The following PPP4R1 variants were observed in gnomAD, a reference collection of about 807,000 sequenced individuals.
The protein encoded by PPP4R1 is serine/threonine-protein phosphatase 4 regulatory subunit 1.
PPP4R1 carries 42 observed loss-of-function variants against 111.2 expected under a neutral mutation model. That is an observed-to-expected ratio of 0.38 (90% CI 0.29 to 0.49). PPP4R1 has a LOEUF of 0.49. Ranked by LOEUF, PPP4R1 falls within the 20% of genes least tolerant of loss-of-function variation. The pLI is 0.97. For synonymous variants in PPP4R1, 409 were observed against 405.5 expected (o/e 1.01, Z -0.10); for missense variants, 1,012 against 1,161.6 (o/e 0.87, Z 1.87).
rs2066926797 is a variant in PPP4R1 at position 9,575,792 on chromosome 18, T to C, written c.1046+1272A>G. 2.6e-5 allele frequency among the ~76,000 whole-genome samples: 4 copies of C among 152,042 alleles called. No homozygotes were observed. In the South Asian group the frequency reaches 8.3e-4, roughly 31 times the overall value. ...ACTGCAAAGGCCGAGTGAGTAGTTG[T>C]GAAACAGAAGAAAGTTTACCAGCTC... is the stretch of plus-strand genomic sequence containing the variant. On this transcript the variant is annotated intron_variant, in intron 10 of 19. Coordinates refer to ENST00000400556, the MANE Select transcript of PPP4R1 (RefSeq NM_001042388.3).
chr18:9,583,274 A>G lies in PPP4R1; in HGVS notation c.761T>C (p.Leu254Pro). The G allele has an allele frequency of 6.4e-7, 1 of 1,555,354 alleles. No homozygotes were observed. The highest frequency in any genetic ancestry group is 8.7e-7 in the Non-Finnish European group (1 of 1,144,190). Residue 254 changes from leucine (L) to proline (P), a missense_variant and splice_region_variant, in exon 9 of 20, where the codon CTG becomes CCG. This residue lies in a region of PPP4R1 where 707 missense variants were observed against 742.1 expected (regional missense o/e 0.95). Transcript: ENST00000400556. ...AGAACAAAGCTGGAAAAATCTGGGC[A>G]GCTATGTGAAAAGGAAAGAGTCTTG... ...VGQQATEEML[L>P]PRFFQLCSDN...
At chr18:9,568,119 C>A (rs1158781285) in intron 11 of PPP4R1, among the ~76,000 whole-genome samples, 1 of 152,158 alleles carries the variant, frequency 6.6e-6, no homozygotes, top group African/African-American at 2.4e-5. Context: ...CCTTAAACTC[C>A]TAGGCTCAAT....
chr18:9,609,922 G>A (rs1208841062), intron 2 of PPP4R1, among the ~76,000 whole-genome samples: 1 of 152,168 alleles, frequency 6.6e-6, no homozygotes, highest in Non-Finnish European at 1.5e-5. Flanking sequence ...AGTCCCTTTG[G>A]GCATTAGTCA....
intron 8 of PPP4R1, 48 bp downstream of exon 8, chr18:9,584,467 C>G (rs1355102995): frequency 1.3e-6 from 2 of 1,492,470 alleles, no homozygotes; most frequent in Non-Finnish European, 1.8e-6. Flanking sequence ...ACTTTATGTA[C>G]TACTTTGTAA....
intron 11 of PPP4R1, among the ~76,000 whole-genome samples, chr18:9,565,347 A>C (rs778200666): frequency 1.3e-5 from 2 of 152,166 alleles, no homozygotes; most frequent in Non-Finnish European, 2.9e-5. Flanking sequence ...AACAATATTA[A>C]AATTGGGCCA....
chr18:9,595,123 T>C lies in PPP4R1; in HGVS notation c.83A>G (p.Asp28Gly). 2 of 1,613,872 alleles carry C rather than the reference T, an allele frequency of 1.2e-6. No individual in the cohort carries two copies. Among genetic ancestry groups the C allele is most frequent in the Non-Finnish European group, 1.7e-6 (2 of 1,179,870 alleles). ...FGVDDYSSES[D>G]VIIIPSALDF... ...CAGGGCTGAAGGTATAATAATCACA[T>C]CAGACTCTGAGCTGTAGTCATCCAC... The change falls in exon 3 of 20, where the codon GAT becomes GGT. Residue 28 changes from aspartate (D) to glycine (G), a missense_variant. Asp to Gly is a moderately conservative substitution (Grantham distance 94). This residue lies in a region of PPP4R1 where 707 missense variants were observed against 742.1 expected (regional missense o/e 0.95). Transcript: ENST00000400556.
intron 2 of PPP4R1, among the ~76,000 whole-genome samples, chr18:9,610,584 T>A (rs1221163827): frequency 3.3e-5 from 5 of 152,106 alleles, no homozygotes; most frequent in African/African-American, 1.2e-4. Flanking sequence ...TGCCTCAGCC[T>A]CCTGAGCAGC....
At chr18:9,587,788 C>G (rs964632842) in intron 6 of PPP4R1, among the ~76,000 whole-genome samples, 1 of 151,524 alleles carries the variant, frequency 6.6e-6, no homozygotes, top group Non-Finnish European at 1.5e-5. Flanking sequence ...TCTTGGCTCA[C>G]TACAACCTCC....
chr18:9,594,011 T>A, intron 3 of PPP4R1, 137 bp from the exon 4 acceptor site: 1 of 651,768 alleles, frequency 1.5e-6, no homozygotes, highest in Non-Finnish European at 2.7e-6. Flanking sequence ...AACTGCAGCA[T>A]TGACTTCCCT....
At chr18:9,561,056 A>G (rs181157850) in intron 13 of PPP4R1, among the ~76,000 whole-genome samples, 5 of 151,594 alleles carry the variant, frequency 3.3e-5, no homozygotes, top group Non-Finnish European at 7.4e-5. Context: ...TGTCTCTACT[A>G]AAAACACAAA....
At chr18:9,589,011 T>C (rs140867354) in intron 4 of PPP4R1, among the ~76,000 whole-genome samples, 158 bp from the exon 5 acceptor site, 383 of 152,362 alleles carry the variant, frequency 2.5e-3, no homozygotes, top group African/African-American at 8.9e-3. Flanking sequence ...TTCAGAATCA[T>C]ACACAGATCA....
chr18:9,584,451 T>C lies in PPP4R1; in HGVS notation c.759+64A>G. The stretch of plus-strand genomic sequence containing the variant: ...TAAAACTTTGGAGTAAATGTGTGCA[T>C]TTCAAACTTTATGTACTACTTTGTA... On this transcript the variant is annotated intron_variant, in intron 8 of 19. Transcript: ENST00000400556. The C allele has an allele frequency of 2.1e-6, 3 of 1,401,516 alleles. No individual in the cohort carries two copies. In the Admixed American group the frequency reaches 6.9e-5, roughly 32 times the overall value. The allele number at this position is 1,401,516 out of a possible 1,614,324, so 86.8% of individuals were successfully genotyped here.
chr18:9,597,916 A>T (rs956203518), intron 2 of PPP4R1, among the ~76,000 whole-genome samples: 1 of 152,176 alleles, frequency 6.6e-6, no homozygotes, highest in African/African-American at 2.4e-5. Context: ...AAGAACATTG[A>T]AAGTTATTTT....
chr18:9,614,988 G>C (rs1371715173), upstream of PPP4R1: 1 of 152,210 alleles, frequency 6.6e-6, no homozygotes, highest in Non-Finnish European at 1.5e-5. The surrounding 1 kb of genome is among the most constrained non-coding windows in gnomAD (Gnocchi z 4.1). Context: ...GCCGCTCGCA[G>C]CCAGCGCCCC....
At chr18:9,595,716 C>G (rs1427041814) in intron 2 of PPP4R1, among the ~76,000 whole-genome samples, 1 of 152,194 alleles carries the variant, frequency 6.6e-6, no homozygotes, top group East Asian at 1.9e-4. Flanking sequence ...AAACAATCTA[C>G]TTTAAAATGA....
chr18:9,573,345 T>C (rs2066889823), intron 10 of PPP4R1, among the ~76,000 whole-genome samples: 2 of 152,158 alleles, frequency 1.3e-5, no homozygotes, highest in South Asian at 2.1e-4. Flanking sequence ...GTAAAAAGAA[T>C]ATCATGTCTA....
chr18:9,588,887 T>G, intron 4 of PPP4R1, 34 bp from the exon 5 acceptor site: 1 of 1,602,636 alleles, frequency 6.2e-7, no homozygotes, highest in Non-Finnish European at 8.5e-7. Flanking sequence ...GCAAACATGT[T>G]CTCCTGCAGC....
At chr18:9,606,965 C>A (rs1320681911) in intron 2 of PPP4R1, among the ~76,000 whole-genome samples, 2 of 152,110 alleles carry the variant, frequency 1.3e-5, no homozygotes, top group Non-Finnish European at 1.5e-5. Flanking sequence ...AAAATTTGAA[C>A]TAACTCAGGT....
rs2067158067 is a variant in PPP4R1 at position 9,588,511 on chromosome 18, G to C, written c.438+200C>G. On this transcript the variant is annotated intron_variant, in intron 5 of 19. Transcript: ENST00000400556. ...GGACCGCTAGGAGGTTACCAAGTGA[G>C]AGTGCAGTTACTAGGCATTGTCCAT... is the stretch of plus-strand genomic sequence containing the variant. Among the ~76,000 whole-genome samples the C allele has an allele frequency of 2.0e-5, 3 of 152,208 alleles. No homozygotes were observed. In the South Asian group the frequency reaches 6.2e-4, roughly 31 times the overall value.
Sources: gnomAD v4.1 joint callset for allele counts (sites outside exome capture counted in the v4.1 genomes callset) on GRCh38, gnomAD v4.1.1 for gene constraint, gnomAD v4.1.1 regional missense constraint, Gnocchi (gnomAD v3.1) non-coding constraint, MANE v1.5 for transcripts, NCBI Gene and HGNC (gene_info 2026-07-23, HGNC 2026-07-21) for gene names.